UQCC6: variants seen among roughly 807,000 people sequenced by gnomAD.
UQCC6 encodes the protein ubiquinol-cytochrome c reductase complex assembly factor 6.
chr12:103,963,883 A>G, the UQCC6 span, among the ~76,000 whole-genome samples: 1 of 152,150 alleles, frequency 6.6e-6, no homozygotes, highest in Non-Finnish European at 1.5e-5. Context: ...GCAATGAACA[A>G]AGACAAATTG....
chr12:103,953,823 T>G, the UQCC6 span, among the ~76,000 whole-genome samples: 1 of 152,182 alleles, frequency 6.6e-6, no homozygotes, highest in East Asian at 1.9e-4. Context: ...TTCCCAATTA[T>G]AATGAAATGG....
the UQCC6 span, among the ~76,000 whole-genome samples, chr12:103,963,035 C>A: frequency 2.6e-5 from 4 of 151,186 alleles, no homozygotes; most frequent in Non-Finnish European, 5.9e-5. Context: ...TATTCTGTTG[C>A]ACTGATATAT....
At chr12:103,959,965 G>A in the UQCC6 span, among the ~76,000 whole-genome samples, 4 of 151,482 alleles carry the variant, frequency 2.6e-5, no homozygotes, top group Admixed American at 6.6e-5. Context: ...AGTAGAGATG[G>A]GGTTTCACCA....
At chr12:103,956,865 G>A in the UQCC6 span, 2 of 655,712 alleles carry the variant, frequency 3.1e-6, no homozygotes, top group Non-Finnish European at 5.5e-6. Flanking sequence ...GGGTGCAGGA[G>A]GACCCCTGGG....
At chr12:103,957,893 AT>A in the UQCC6 span, among the ~76,000 whole-genome samples, 58,150 of 144,820 alleles carry the variant, frequency 0.4, 12,686 homozygotes, top group African/African-American at 0.56. Context: ...TCTACTAAAA[AT>A]ATATATATAT....
At chr12:103,963,665 G>A in the UQCC6 span, among the ~76,000 whole-genome samples, 3 of 152,060 alleles carry the variant, frequency 2.0e-5, no homozygotes, top group African/African-American at 7.3e-5. Context: ...TAGAAATCTT[G>A]CGTCTTTTGT....
chr12:103,960,302 G>A, the UQCC6 span, among the ~76,000 whole-genome samples: 1 of 151,976 alleles, frequency 6.6e-6, no homozygotes, highest in Non-Finnish European at 1.5e-5. Flanking sequence ...CAGAACTCCT[G>A]ACCTCATGTG....
At chr12:103,956,798 A>C in the UQCC6 span, 1 of 1,245,418 alleles carries the variant, frequency 8.0e-7, no homozygotes, top group Non-Finnish European at 1.1e-6. Context: ...TCACGACTAC[A>C]CCGCGCCAGG....
chr12:103,950,429 C>T, the UQCC6 span: 4 of 152,186 alleles, frequency 2.6e-5, no homozygotes, highest in Non-Finnish European at 5.9e-5. Flanking sequence ...GAGTTGCCCA[C>T]CACTCACGTG....
chr12:103,956,717 A>G, the UQCC6 span: 2 of 1,551,652 alleles, frequency 1.3e-6, no homozygotes, highest in African/African-American at 1.4e-5. Flanking sequence ...AGGTAGGTGG[A>G]CATGGGCACG....
At chr12:103,965,572 T>C in the UQCC6 span, 1 of 160,706 alleles carries the variant, frequency 6.2e-6, no homozygotes, top group Admixed American at 6.5e-5. Context: ...AAGGACTAGA[T>C]AATGCTGATA....
At chr12:103,955,035 C>T in the UQCC6 span, 1 of 686,890 alleles carries the variant, frequency 1.5e-6, no homozygotes, top group Non-Finnish European at 2.7e-6. Flanking sequence ...TACAAATGGG[C>T]CAGGCACAGT....
At chr12:103,955,049 TCATGCCTGTAAC>T in the UQCC6 span, 48 of 675,658 alleles carry the variant, frequency 7.1e-5, no homozygotes, top group African/African-American at 7.2e-4. Context: ...GCACAGTGGC[TCATGCCTGTAAC>T]CCCAGCACTT....
chr12:103,954,584 A>C, the UQCC6 span: 1 of 239,148 alleles, frequency 4.2e-6, no homozygotes, highest in Non-Finnish European at 8.1e-6. Flanking sequence ...CGTCCCCATG[A>C]CCCAAACACC....
chr12:103,957,936 T>C, the UQCC6 span, among the ~76,000 whole-genome samples: 124 of 145,738 alleles, frequency 8.5e-4, no homozygotes, highest in Middle Eastern at 0.011. Context: ...ATTTTATACA[T>C]ATTTTATATT....
chr12:103,953,456 G>A, the UQCC6 span: 1 of 702,296 alleles, frequency 1.4e-6, no homozygotes, highest in Non-Finnish European at 2.6e-6. Context: ...ACAAGTCTAG[G>A]CAGTCATCAT....
At chr12:103,958,896 A>G in the UQCC6 span, among the ~76,000 whole-genome samples, 1 of 30,380 alleles carries the variant, frequency 3.3e-5, no homozygotes, top group Non-Finnish European at 6.2e-5. Context: ...AATGCCAGTG[A>G]CAAAAACCTC....
chr12:103,952,458 T>C, the UQCC6 span, among the ~76,000 whole-genome samples: 4 of 152,350 alleles, frequency 2.6e-5, no homozygotes, highest in East Asian at 7.7e-4. Context: ...ACCTTTTGGA[T>C]ATTATGAATA....
At chr12:103,956,789 C>T in the UQCC6 span, 5 of 1,300,766 alleles carry the variant, frequency 3.8e-6, no homozygotes, top group African/African-American at 7.3e-5. Flanking sequence ...AGTTCCAGCT[C>T]ACGACTACAC....
Sources: gnomAD v4.1 joint callset for allele counts (sites outside exome capture counted in the v4.1 genomes callset) on GRCh38, gnomAD v4.1.1 for gene constraint, MANE v1.5 for transcripts, NCBI Gene and HGNC (gene_info 2026-07-23, HGNC 2026-07-21) for gene names.